Variants in MIPOL1 observed in about 807,000 individuals in gnomAD.
MIPOL1 encodes mirror-image polydactyly gene 1 protein.
MIPOL1 carries 57 observed loss-of-function variants against 60.9 expected under a neutral mutation model. The ratio of observed to expected loss-of-function variants is 0.94; its 90% CI spans 0.76 to 1.17. The LOEUF (loss-of-function observed/expected upper bound fraction) is 1.17, where lower values mean the gene tolerates loss of function less well. MIPOL1 is among the 50% of genes most tolerant of loss of function. The pLI, the probability that MIPOL1 is intolerant of heterozygous loss-of-function variation, is 0.00. For synonymous variants in MIPOL1, 179 were observed against 168.8 expected, an observed-to-expected ratio of 1.06 and a Z score of -0.47; for missense variants, 551 against 511.6, an observed-to-expected ratio of 1.08 and a Z score of -0.74.
chr14:37,272,999 A>G (rs1214709477), intron 6 of MIPOL1, among the ~76,000 whole-genome samples: 1 of 151,362 alleles, frequency 6.6e-6, no homozygotes, highest in African/African-American at 2.4e-5. Context: ...AGTATGTAAA[A>G]TATAGAGATT....
chr14:37,205,022 T>G (rs1280735045), intron 1 of MIPOL1, among the ~76,000 whole-genome samples: 1 of 152,132 alleles, frequency 6.6e-6, no homozygotes, highest in Non-Finnish European at 1.5e-5. Flanking sequence ...GCAAAGAGAC[T>G]GGCGGCATTT....
intron 6 of MIPOL1, among the ~76,000 whole-genome samples, chr14:37,279,750 G>A (rs1206082010): frequency 6.6e-6 from 1 of 152,014 alleles, no homozygotes; most frequent in Non-Finnish European, 1.5e-5. Flanking sequence ...AAATCAGTCT[G>A]ATTAACGTAT....
intron 12 of MIPOL1, chr14:37,507,434 A>G (rs1433021665): frequency 6.6e-6 from 1 of 152,232 alleles, no homozygotes; most frequent in Non-Finnish European, 1.5e-5. Context: ...ATAAAAAAGA[A>G]TGAGTTCATG....
At chr14:37,244,987 A>G (rs1282130123) in intron 1 of MIPOL1, among the ~76,000 whole-genome samples, 2 of 152,150 alleles carry the variant, frequency 1.3e-5, no homozygotes, top group Non-Finnish European at 2.9e-5. Flanking sequence ...TCTGTTTTTT[A>G]AGATTTTTCC....
chr14:37,482,470 A>C (rs1306146316), intron 11 of MIPOL1, among the ~76,000 whole-genome samples: 1 of 152,176 alleles, frequency 6.6e-6, no homozygotes, highest in East Asian at 1.9e-4. Context: ...AAGAGGTTTA[A>C]TTGACTCACA....
intron 12 of MIPOL1, among the ~76,000 whole-genome samples, chr14:37,533,576 G>T (rs2095491800): frequency 1.3e-5 from 2 of 152,256 alleles, no homozygotes; most frequent in East Asian, 3.9e-4. Flanking sequence ...ATGCTCATAT[G>T]GGGAGTAGGA....
chr14:37,363,317 A>T (rs1006921285), intron 9 of MIPOL1, among the ~76,000 whole-genome samples: 1 of 151,944 alleles, frequency 6.6e-6, no homozygotes, highest in Non-Finnish European at 1.5e-5. Flanking sequence ...CTTTTTGTGG[A>T]TGTTGAAACT....
intron 12 of MIPOL1, among the ~76,000 whole-genome samples, chr14:37,521,620 C>T (rs1164724913): frequency 6.6e-6 from 1 of 152,042 alleles, no homozygotes; most frequent in Non-Finnish European, 1.5e-5. Flanking sequence ...TCTAAAACAA[C>T]ATGTTGGCCA....
chr14:37,309,689 T>A (rs1454917738), intron 9 of MIPOL1, among the ~76,000 whole-genome samples: 1 of 138,866 alleles, frequency 7.2e-6, no homozygotes, highest in Non-Finnish European at 1.6e-5. Flanking sequence ...GACTCCAGCA[T>A]TTTTTTTTTT....
intron 2 of MIPOL1, 149 bp from the exon 3 acceptor site, chr14:37,247,680 C>T: frequency 2.0e-6 from 1 of 505,010 alleles, no homozygotes. Flanking sequence ...GATTTAATTT[C>T]TCCTGTTGAA....
At chr14:37,490,092 G>T (rs1206653116) in intron 11 of MIPOL1, among the ~76,000 whole-genome samples, 1 of 152,196 alleles carries the variant, frequency 6.6e-6, no homozygotes, top group Non-Finnish European at 1.5e-5. Context: ...GGAGATGGGG[G>T]TTTTATCTAT....
chr14:37,525,536 A>G (rs1594876736), intron 12 of MIPOL1, among the ~76,000 whole-genome samples: 1 of 152,236 alleles, frequency 6.6e-6, no homozygotes, highest in African/African-American at 2.4e-5. Context: ...CTACTAAAGG[A>G]ATAACACAGA....
Position 37,413,348 on chromosome 14 carries a change from C to T in MIPOL1, c.937-9507C>T, listed in dbSNP as rs1595668142. ...AAGAAAGTGAGAAGATATGCCTAAACTTGTCTCAAGTTTTCCAGCTTCTAG... is the reference window on the plus strand; with the variant it reads ...AAGAAAGTGAGAAGATATGCCTAAATTTGTCTCAAGTTTTCCAGCTTCTAG... On this transcript the variant is annotated intron_variant, in intron 10 of 12. Transcript: ENST00000684589. 2.0e-5 allele frequency among the ~76,000 whole-genome samples: 3 copies of T among 152,196 alleles called. No homozygotes were observed. In the East Asian group the frequency reaches 5.8e-4, roughly 29 times the overall value.
intron 1 of MIPOL1, among the ~76,000 whole-genome samples, chr14:37,211,597 G>T (rs141646687): frequency 6.6e-6 from 1 of 152,212 alleles, no homozygotes; most frequent in Non-Finnish European, 1.5e-5. Flanking sequence ...ACTGAGGTCT[G>T]CAGCACTCTA....
At chr14:37,358,547 T>C in intron 9 of MIPOL1, among the ~76,000 whole-genome samples, 1 of 152,196 alleles carries the variant, frequency 6.6e-6, no homozygotes, top group Non-Finnish European at 1.5e-5. Flanking sequence ...TGTGAGATGG[T>C]ATCTCATTGT....
intron 11 of MIPOL1, among the ~76,000 whole-genome samples, chr14:37,469,539 A>G (rs182466163): frequency 8.5e-5 from 13 of 152,252 alleles, no homozygotes; most frequent in East Asian, 1.9e-4. Flanking sequence ...TCATGTGGTA[A>G]TTCACTTGAA....
In MIPOL1 at chr14:37,272,616, A is replaced by G. The variant is rs118050932; in HGVS notation, c.493+2091A>G. Among the ~76,000 whole-genome samples the G allele has an allele frequency of 3.6e-3, 546 of 151,724 alleles. 3 individuals are homozygous for G. Among genetic ancestry groups the G allele is most frequent in the Non-Finnish European group, 6.4e-3 (431 of 67,582 alleles). On this transcript the variant is annotated intron_variant, in intron 6 of 12. Coordinates refer to ENST00000684589, the MANE Select transcript of MIPOL1 (RefSeq NM_001388067.1). The stretch of plus-strand genomic sequence containing the variant: ...CAAAAACTACCTTGTCAGTATCTTA[A>G]TAGAAAAAAGAGCAGTATAGGACTA...
chr14:37,297,976 A>G (rs1795448102), intron 7 of MIPOL1, among the ~76,000 whole-genome samples: 1 of 152,224 alleles, frequency 6.6e-6, no homozygotes, highest in African/African-American at 2.4e-5. Flanking sequence ...GAAGCAAAAA[A>G]GAGCCCGCAT....
At chr14:37,380,895 T>G (rs1004368270) in intron 10 of MIPOL1, among the ~76,000 whole-genome samples, 35 of 152,146 alleles carry the variant, frequency 2.3e-4, no homozygotes, top group Admixed American at 2.3e-3. Context: ...AACAGGCAGA[T>G]GTATCAGTAT....
Sources: allele counts gnomAD v4.1 joint callset (sites outside exome capture counted in the v4.1 genomes callset), GRCh38; gene constraint gnomAD v4.1.1; transcripts MANE v1.5; gene names NCBI Gene and HGNC (gene_info 2026-07-23, HGNC 2026-07-21).